LIN7A: variants seen among roughly 807,000 people sequenced by gnomAD.
LIN7A encodes the protein protein lin-7 homolog A.
LIN7A carries 25 observed loss-of-function variants against 29.8 expected under a neutral mutation model. The ratio of observed to expected loss-of-function variants is 0.84; its 90% CI spans 0.61 to 1.17. The LOEUF (loss-of-function observed/expected upper bound fraction) is 1.17, where lower values mean the gene tolerates loss of function less well. Among genes scored for constraint, LIN7A ranks in the 50% most tolerant of loss-of-function variants. The pLI is 0.00. For synonymous variants in LIN7A, 118 were observed against 107.5 expected, an observed-to-expected ratio of 1.10 and a Z score of -0.60; for missense variants, 239 against 287.0, an observed-to-expected ratio of 0.83 and a Z score of 1.21.
At chr12:80,845,650 A>G (rs1488700702) in intron 4 of LIN7A, 80 bp downstream of exon 4, 2 of 1,108,898 alleles carry the variant, frequency 1.8e-6, no homozygotes, top group Middle Eastern at 3.0e-4. Flanking sequence ...TAGGTTTTCA[A>G]CGTTGACTTC....
chr12:80,879,666 AAAAAAAG>A (rs1874920164), intron 2 of LIN7A, among the ~76,000 whole-genome samples: 2 of 151,226 alleles, frequency 1.3e-5, no homozygotes, highest in East Asian at 3.9e-4. Flanking sequence ...AAAAAAAAAA[AAAAAAAG>A]GAAGAAGTTA....
chr12:80,845,199 T>C (rs191237692), intron 4 of LIN7A, among the ~76,000 whole-genome samples: 2 of 144,754 alleles, frequency 1.4e-5, no homozygotes, highest in Non-Finnish European at 3.0e-5. Flanking sequence ...ATGGCACCAC[T>C]GCACTCCAGC....
intron 2 of LIN7A, among the ~76,000 whole-genome samples, chr12:80,852,515 G>C (rs1873382998): frequency 6.6e-6 from 1 of 152,098 alleles, no homozygotes; most frequent in African/African-American, 2.4e-5. Context: ...AGAAGATAAA[G>C]TATGTGACTT....
intron 5 of LIN7A, among the ~76,000 whole-genome samples, chr12:80,802,405 T>C (rs1457079280): frequency 1.3e-5 from 2 of 152,240 alleles, no homozygotes; most frequent in Non-Finnish European, 2.9e-5. Flanking sequence ...TCTTAGCTAT[T>C]GTGAACAATG....
chr12:80,861,840 G>T (rs1219030529), intron 2 of LIN7A, among the ~76,000 whole-genome samples: 1 of 152,200 alleles, frequency 6.6e-6, no homozygotes, highest in Non-Finnish European at 1.5e-5. Context: ...CTAGTTCCTG[G>T]AGCAGGCAGC....
At chr12:80,805,132 T>C (rs1228595531) in intron 5 of LIN7A, among the ~76,000 whole-genome samples, 2 of 152,162 alleles carry the variant, frequency 1.3e-5, no homozygotes, top group African/African-American at 2.4e-5. Context: ...TTAATATATA[T>C]GAGGCACTTA....
chr12:80,927,062 C>G (rs773329286), intron 1 of LIN7A, among the ~76,000 whole-genome samples: 4 of 150,946 alleles, frequency 2.6e-5, no homozygotes, highest in Non-Finnish European at 5.9e-5. Flanking sequence ...TCTTTCATCA[C>G]ATGCCTTTAT....
chr12:80,798,176 C>G (rs1221953168), intron 5 of LIN7A, among the ~76,000 whole-genome samples: 3 of 152,150 alleles, frequency 2.0e-5, no homozygotes, highest in Non-Finnish European at 4.4e-5. Context: ...AAATCTGTCT[C>G]TCTTCATAAG....
intron 2 of LIN7A, among the ~76,000 whole-genome samples, chr12:80,870,024 T>C (rs1454547296): frequency 6.6e-6 from 1 of 152,154 alleles, no homozygotes; most frequent in African/African-American, 2.4e-5. Flanking sequence ...AAGAAAGATA[T>C]GGTATATTTA....
intron 1 of LIN7A, among the ~76,000 whole-genome samples, chr12:80,890,070 C>T (rs947004763): frequency 6.6e-6 from 1 of 152,064 alleles, no homozygotes; most frequent in Non-Finnish European, 1.5e-5. Context: ...TAGAACAGTA[C>T]TAAGCAAGAG....
chr12:80,849,674 T>A (rs1390423220), intron 2 of LIN7A, among the ~76,000 whole-genome samples: 1 of 152,054 alleles, frequency 6.6e-6, no homozygotes, highest in Non-Finnish European at 1.5e-5. Context: ...TTCTCTCTAG[T>A]TTTATTTTCC....
intron 4 of LIN7A, among the ~76,000 whole-genome samples, chr12:80,814,962 A>G (rs187127896): frequency 3.2e-4 from 48 of 152,318 alleles, no homozygotes; most frequent in African/African-American, 1.1e-3. Flanking sequence ...ATGCTTTACT[A>G]ACATCCTACA....
chr12:80,891,048 G>A (rs942936613), intron 1 of LIN7A, among the ~76,000 whole-genome samples: 2 of 152,088 alleles, frequency 1.3e-5, no homozygotes, highest in Non-Finnish European at 2.9e-5. Flanking sequence ...ATCCTCTCAA[G>A]CAAAACTATG....
chr12:80,897,068 TTTC>T (rs1252295954), intron 1 of LIN7A, among the ~76,000 whole-genome samples: 3 of 152,230 alleles, frequency 2.0e-5, no homozygotes, highest in African/African-American at 7.2e-5. Flanking sequence ...TTTTTTTCTT[TTTC>T]TTCTTTCCTG....
chr12:80,934,995 T>C (rs1227421634), intron 1 of LIN7A, among the ~76,000 whole-genome samples: 2 of 152,238 alleles, frequency 1.3e-5, no homozygotes, highest in African/African-American at 2.4e-5. Context: ...GCCTATGTTA[T>C]CACTATCATC....
chr12:80,900,339 C>A (rs949213844), intron 1 of LIN7A, among the ~76,000 whole-genome samples: 4 of 152,018 alleles, frequency 2.6e-5, no homozygotes, highest in African/African-American at 9.7e-5. Context: ...TCTCTAGTTA[C>A]TCTAGGTGTG....
At chr12:80,924,482 A>T (rs1877473507) in intron 1 of LIN7A, among the ~76,000 whole-genome samples, 1 of 152,202 alleles carries the variant, frequency 6.6e-6, no homozygotes, top group South Asian at 2.1e-4. Context: ...GTGTTTTCTC[A>T]TTAGATATTT....
intron 4 of LIN7A, among the ~76,000 whole-genome samples, chr12:80,826,206 AT>A (rs1191079199): frequency 6.6e-6 from 1 of 152,204 alleles, no homozygotes; most frequent in African/African-American, 2.4e-5. Flanking sequence ...CCCACAGAAT[AT>A]TCTTTGCTTT....
Position 80,792,831 on chromosome 12 carries a change from A to G in LIN7A, c.*4896T>C, listed in dbSNP as rs1269235769. On this transcript the variant is annotated 3_prime_UTR_variant, in exon 6 of 6. Coordinates refer to ENST00000552864, the MANE Select transcript of LIN7A (RefSeq NM_004664.4). ...AATCTGAAAAGTCACTGAAATATTT[A>G]TCACATGTCAGAAATTTTCTGGTCT... 2 of 152,194 alleles carry G rather than the reference A, an allele frequency of 1.3e-5. No individual in the cohort carries two copies. The highest frequency in any genetic ancestry group is 2.9e-5 in the Non-Finnish European group (2 of 68,028). The allele number at this position is 152,194 out of a possible 1,614,324, so 9.4% of individuals were successfully genotyped here. A position where few individuals can be genotyped will look rare whatever the true frequency, so the allele number is the denominator to read the frequency against.
Sources: allele counts gnomAD v4.1 joint callset (sites outside exome capture counted in the v4.1 genomes callset), GRCh38; gene constraint gnomAD v4.1.1; transcripts MANE v1.5; gene names NCBI Gene and HGNC (gene_info 2026-07-23, HGNC 2026-07-21).